DNAJB14: variants seen among roughly 807,000 people sequenced by gnomAD.
DNAJB14 encodes DnaJ heat shock protein family (Hsp40) member B14, also known as dnaJ homolog subfamily B member 14.
A neutral mutation model predicts 48.4 loss-of-function variants in DNAJB14; 22 were observed. The ratio of observed to expected loss-of-function variants is 0.45; its 90% CI spans 0.32 to 0.65. The LOEUF (loss-of-function observed/expected upper bound fraction) is 0.65, where lower values mean the gene tolerates loss of function less well. Ranked by LOEUF, DNAJB14 falls within the 30% of genes least tolerant of loss-of-function variation. The pLI is 0.03. For missense variants in DNAJB14, 319 were observed against 458.8 expected (o/e 0.70, Z 2.78); for synonymous variants, 142 against 158.7 (o/e 0.89, Z 0.79).
At chr4:99,911,209 T>C (rs573944671) in intron 3 of DNAJB14, among the ~76,000 whole-genome samples, 14 of 151,996 alleles carry the variant, frequency 9.2e-5, no homozygotes, top group South Asian at 6.2e-4. Context: ...GAGATCCAGG[T>C]TGTCATATAT....
intron 1 of DNAJB14, 146 bp from the exon 2 acceptor site, chr4:99,930,767 C>G (rs1191131080): frequency 5.3e-6 from 4 of 754,686 alleles, no homozygotes; most frequent in Non-Finnish European, 8.0e-6. Context: ...ACGCATTCCC[C>G]TAAGTACTTA....
rs763645329 is a variant in DNAJB14, at chr4:99,946,429, G to A, written c.133+10C>T. On this transcript the variant is annotated intron_variant, in intron 1 of 7. Coordinates refer to ENST00000442697, the MANE Select transcript of DNAJB14 (RefSeq NM_001031723.4). Reference sequence around the variant, plus strand: ...ATTGGGCAGGAAGAGAAGGGACGCTGAGGTCTCACCGCGGGCCGAGGGCAG... The same window carrying A: ...ATTGGGCAGGAAGAGAAGGGACGCTAAGGTCTCACCGCGGGCCGAGGGCAG... The A allele has an allele frequency of 1.2e-6, 2 of 1,608,308 alleles. No homozygotes were observed. The highest frequency in any genetic ancestry group is 8.5e-7 in the Non-Finnish European group (1 of 1,177,482).
chr4:99,943,588 A>G (rs1037929446), intron 1 of DNAJB14, among the ~76,000 whole-genome samples: 1 of 152,208 alleles, frequency 6.6e-6, no homozygotes, highest in Non-Finnish European at 1.5e-5. Flanking sequence ...CAACAGCACT[A>G]TGAGATCAGT....
At chr4:99,903,084 C>CTA (rs1040121796) in intron 7 of DNAJB14, among the ~76,000 whole-genome samples, 6 of 152,138 alleles carry the variant, frequency 3.9e-5, no homozygotes, top group African/African-American at 1.4e-4. Context: ...TAACACTACA[C>CTA]TATATGGTCT....
At position 99,898,725 on chromosome 4, in the gene DNAJB14, C is replaced by T. The variant is rs181937904; in HGVS notation, c.*2303G>A. The T allele has an allele frequency of 4.6e-5, 7 of 151,752 alleles. 1 individual carries two copies. Among genetic ancestry groups the T allele is most frequent in the Non-Finnish European group, 1.0e-4 (7 of 67,752 alleles). The allele number at this position is 151,752 out of a possible 1,614,324, so 9.4% of individuals were successfully genotyped here. ...CTTTTAGGTGGTCATTAGAATGAGC[C>T]GATGAAATTGCGAAGTTCATGTAGC... is the stretch of plus-strand genomic sequence containing the variant. On this transcript the variant is annotated 3_prime_UTR_variant, in exon 8 of 8. Coordinates refer to ENST00000442697, the MANE Select transcript of DNAJB14 (RefSeq NM_001031723.4).
At chr4:99,920,009 A>ATTT in intron 3 of DNAJB14, among the ~76,000 whole-genome samples, 1 of 152,174 alleles carries the variant, frequency 6.6e-6, no homozygotes, top group African/African-American at 2.4e-5. Context: ...GGACTTCTGT[A>ATTT]GTCTGTTTTG....
At chr4:99,914,543 A>G (rs1725783136) in intron 3 of DNAJB14, among the ~76,000 whole-genome samples, 1 of 152,184 alleles carries the variant, frequency 6.6e-6, no homozygotes, top group Non-Finnish European at 1.5e-5. Context: ...TACCTTATGT[A>G]AATGACGAGT....
At chr4:99,924,083 T>C (rs1726160178) in intron 2 of DNAJB14, among the ~76,000 whole-genome samples, 1 of 152,166 alleles carries the variant, frequency 6.6e-6, no homozygotes, top group Non-Finnish European at 1.5e-5. Flanking sequence ...ATTACGTACA[T>C]GTGGATGCCA....
Position 99,906,531 on chromosome 4 carries a change from CTT to C in DNAJB14, c.716_717del (p.Glu239GlyfsTer33), listed in dbSNP as rs1560731694. 2 of 1,611,360 alleles carry C rather than the reference CTT, an allele frequency of 1.2e-6. No homozygotes were observed. On this transcript the variant is annotated frameshift_variant, in exon 5 of 8. Transcript: ENST00000442697. LOFTEE classifies it high-confidence loss of function. ...CATAAACGTACATCTCCTCTTTCCT[CTT>C]CTCTTTCATGTCCACTATGTCGATG... ...HQHRHSGHER[E>X]EERGDGGFSV...
Position 99,900,992 on chromosome 4 carries a change from A to G in DNAJB14, c.*36T>C. 8 of 1,576,958 alleles carry G rather than the reference A, an allele frequency of 5.1e-6. No homozygotes were observed. The highest frequency in any genetic ancestry group is 6.9e-6 in the Non-Finnish European group (8 of 1,167,240). Reference sequence around the variant, plus strand: ...ACCAAACTTACTTACAGAAAAAATAAAGAGTACGCTAAAAGGTATAAATAA... The same window carrying G: ...ACCAAACTTACTTACAGAAAAAATAGAGAGTACGCTAAAAGGTATAAATAA... On this transcript the variant is annotated 3_prime_UTR_variant, in exon 8 of 8. Coordinates refer to ENST00000442697, the MANE Select transcript of DNAJB14 (RefSeq NM_001031723.4).
intron 1 of DNAJB14, among the ~76,000 whole-genome samples, chr4:99,944,741 AT>A (rs372330527): frequency 2.1e-3 from 313 of 151,872 alleles, no homozygotes; most frequent in African/African-American, 7.3e-3. Flanking sequence ...CGCCTGGCTA[AT>A]TTTTTTGTAT....
At chr4:99,915,739 A>G (rs1725831560) in intron 3 of DNAJB14, among the ~76,000 whole-genome samples, 1 of 151,952 alleles carries the variant, frequency 6.6e-6, no homozygotes, top group Non-Finnish European at 1.5e-5. Context: ...TGTTGATTAG[A>G]TCTTGTTGAG....
rs562068950 is a variant in DNAJB14, at chr4:99,899,395, C to CT, written c.*1632dup. On this transcript the variant is annotated 3_prime_UTR_variant, in exon 8 of 8. Transcript: ENST00000442697. ...AAATTGTATTTTCTCTTAAGCACTG[C>CT]TTTTTTTTTTTTTTTAAGGTAACAT... The CT allele has an allele frequency of 0.026, 3,549 of 137,878 alleles. 55 individuals are homozygous for CT. Among genetic ancestry groups the CT allele is most frequent in the Non-Finnish European group, 0.035 (2,205 of 62,778 alleles). The allele number at this position is 137,878 out of a possible 1,614,324, so 8.5% of individuals were successfully genotyped here. A position where few individuals can be genotyped will look rare whatever the true frequency, so the allele number is the denominator to read the frequency against.
At chr4:99,944,964 C>T (rs907350342) in intron 1 of DNAJB14, among the ~76,000 whole-genome samples, 1 of 152,148 alleles carries the variant, frequency 6.6e-6, no homozygotes, top group African/African-American at 2.4e-5. Context: ...AAGACAGTCA[C>T]AAAAAGATAC....
intron 3 of DNAJB14, among the ~76,000 whole-genome samples, chr4:99,909,617 T>C (rs1725588465): frequency 6.6e-6 from 1 of 151,906 alleles, no homozygotes; most frequent in African/African-American, 2.4e-5. Flanking sequence ...TTCACAACAT[T>C]TATTTATAAA....
intron 1 of DNAJB14, chr4:99,942,103 TATAAATTTTAAAATAATG>T (rs1411510237): frequency 2.0e-5 from 3 of 152,178 alleles, no homozygotes; most frequent in South Asian, 2.1e-4. Flanking sequence ...TTTTATTAGA[TATAAATTTTAAAATAATG>T]TAGCAAAAAA....
At chr4:99,906,141 T>C in intron 5 of DNAJB14, 3 of 1,317,342 alleles carry the variant, frequency 2.3e-6, no homozygotes, top group Non-Finnish European at 3.0e-6. Flanking sequence ...TTCCACTTCA[T>C]GTAATTAAAT....
chr4:99,917,275 T>C (rs1578221793), intron 3 of DNAJB14, among the ~76,000 whole-genome samples: 2 of 152,366 alleles, frequency 1.3e-5, no homozygotes, highest in Admixed American at 6.5e-5. Flanking sequence ...TTTAACCATA[T>C]TTTTGCTTAC....
rs1353916699 is a variant in DNAJB14, at chr4:99,946,426, G to T, written c.133+13C>A. Reference sequence around the variant, plus strand: ...GGGATTGGGCAGGAAGAGAAGGGACGCTGAGGTCTCACCGCGGGCCGAGGG... The same window carrying T: ...GGGATTGGGCAGGAAGAGAAGGGACTCTGAGGTCTCACCGCGGGCCGAGGG... On this transcript the variant is annotated intron_variant, in intron 1 of 7. Coordinates refer to ENST00000442697, the MANE Select transcript of DNAJB14 (RefSeq NM_001031723.4). The T allele has an allele frequency of 6.2e-7, 1 of 1,606,038 alleles. No homozygotes were observed. Among genetic ancestry groups the T allele is most frequent in the Non-Finnish European group, 8.5e-7 (1 of 1,176,474 alleles).
Sources: gnomAD v4.1 joint callset for allele counts (sites outside exome capture counted in the v4.1 genomes callset) on GRCh38, gnomAD v4.1.1 for gene constraint, MANE v1.5 for transcripts, NCBI Gene and HGNC (gene_info 2026-07-23, HGNC 2026-07-21) for gene names.